The following RNF212 variants were observed in gnomAD, a reference collection of about 807,000 sequenced individuals.
RNF212 encodes ring finger protein 212.
RNF212 carries 33 observed loss-of-function variants against 34.7 expected under a neutral mutation model. That is an observed-to-expected ratio of 0.95 (90% CI 0.72 to 1.27). The LOEUF is 1.27. Among genes scored for constraint, RNF212 ranks in the 50% most tolerant of loss-of-function variants. The pLI is 0.00. For synonymous variants in RNF212, 140 were observed against 136.1 expected (o/e 1.03, Z -0.20); for missense variants, 377 against 362.2 (o/e 1.04, Z -0.33).
At chr4:1,090,512 C>A (rs926691541) in intron 4 of RNF212, among the ~76,000 whole-genome samples, 2 of 152,196 alleles carry the variant, frequency 1.3e-5, no homozygotes, top group African/African-American at 4.8e-5. Context: ...CCAGTGTTGC[C>A]CCAGGTGGCT....
intron 7 of RNF212, among the ~76,000 whole-genome samples, chr4:1,080,488 C>G (rs533013632): frequency 1.3e-5 from 2 of 152,148 alleles, no homozygotes; most frequent in Non-Finnish European, 2.9e-5. Context: ...GGAGGGTGGA[C>G]AAAACCCACT....
At chr4:1,080,364 C>T (rs972423202) in intron 7 of RNF212, among the ~76,000 whole-genome samples, 2 of 152,186 alleles carry the variant, frequency 1.3e-5, no homozygotes, top group East Asian at 3.9e-4. Flanking sequence ...GTTTAACTTT[C>T]TCATACCAGA....
rs1384168922 is a variant in RNF212, at chr4:1,108,404, C to T, written c.110G>A (p.Gly37Asp). The change falls in exon 2 of 10, where the codon GGT (glycine) becomes GAT (aspartate). Residue 37 changes from glycine (G) to aspartate (D), a missense_variant and splice_region_variant. Transcript: ENST00000433731. ...ACAAATCAAGCATTCATTCTTTTTA[C>T]CTATAAAATAAAAATAGGCTTTATT... ...HVYCDACLGK[G>D]KKNECLICKA... 7 of 1,479,928 alleles carry T rather than the reference C, an allele frequency of 4.7e-6. No individual in the cohort carries two copies. Among genetic ancestry groups the T allele is most frequent in the Non-Finnish European group, 5.4e-6 (6 of 1,116,040 alleles). 91.7% of individuals were successfully genotyped at this position (1,479,928 alleles called of 1,614,324 possible).
At position 1,081,464 on chromosome 4, in the gene RNF212, T is replaced by C; in HGVS notation, c.419A>G (p.Lys140Arg). 1 of 1,613,802 alleles carries C rather than the reference T, an allele frequency of 6.2e-7. No individual in the cohort carries two copies. The highest frequency in any genetic ancestry group is 8.5e-7 in the Non-Finnish European group (1 of 1,179,884). The change falls in exon 7 of 10, where the codon AAA becomes AGA. Residue 140 changes from lysine to arginine, a missense_variant. Transcript: ENST00000433731. Reference protein sequence around the residue: ...FSTIKSSVSTKPHGCLLPPHS... With the variant: ...FSTIKSSVSTRPHGCLLPPHS... ...AGGTGGCAGCAGGCATCCGTGTGGT[T>C]TTGCTGGAAGAGTGATGACGAAAAT... is the stretch of plus-strand genomic sequence containing the variant.
chr4:1,088,024 TAG>T (rs932909523), intron 4 of RNF212, among the ~76,000 whole-genome samples: 1 of 152,052 alleles, frequency 6.6e-6, no homozygotes, highest in Non-Finnish European at 1.5e-5. Context: ...TTGGTACCAG[TAG>T]AGTGGGGCAC....
At position 1,057,803 on chromosome 4, in the gene RNF212, G is replaced by A. The variant is rs867517821; in HGVS notation, n.220+518C>T. Reference sequence around the variant, plus strand: ...CTCCTGGCTGGGCATGGTGGCTCACGCCTGTAATCCCAGCACCTTGGGAGG... The same window carrying A: ...CTCCTGGCTGGGCATGGTGGCTCACACCTGTAATCCCAGCACCTTGGGAGG... On this transcript the variant is annotated intron_variant and non_coding_transcript_variant, in intron 4 of 4. Coordinates refer to the RNF212 transcript ENST00000503206. Among the ~76,000 whole-genome samples the A allele has an allele frequency of 1.4e-4, 22 of 152,326 alleles. No homozygotes were observed. The South Asian group carries it at 1.4e-3, about 10-fold the overall frequency.
At chr4:1,110,588 AT>A (rs1725504522) in intron 1 of RNF212, among the ~76,000 whole-genome samples, 1 of 152,228 alleles carries the variant, frequency 6.6e-6, no homozygotes, top group Non-Finnish European at 1.5e-5. Flanking sequence ...ATACAGACTT[AT>A]TTTAACACGG....
chr4:1,082,452 G>A (rs760651257), intron 5 of RNF212, among the ~76,000 whole-genome samples: 1 of 152,226 alleles, frequency 6.6e-6, no homozygotes, highest in Non-Finnish European at 1.5e-5. Context: ...TCCTGGCACC[G>A]AGTGCCCGTC....
intron 8 of RNF212, 91 bp from the exon 9 acceptor site, chr4:1,073,753 C>T: frequency 1.2e-6 from 1 of 842,510 alleles, no homozygotes; most frequent in Non-Finnish European, 2.0e-6. Context: ...ACACATTTCC[C>T]AGAACCCCAT....
intron 8 of RNF212, among the ~76,000 whole-genome samples, chr4:1,076,017 T>C (rs555608983): frequency 4.6e-5 from 7 of 152,366 alleles, no homozygotes; most frequent in Admixed American, 1.3e-4. Flanking sequence ...TTGTGAGTCA[T>C]GATTTTACCT....
At chr4:1,088,273 C>A (rs79404168) in intron 4 of RNF212, among the ~76,000 whole-genome samples, 1 of 152,184 alleles carries the variant, frequency 6.6e-6, no homozygotes, top group Non-Finnish European at 1.5e-5. Flanking sequence ...AAAGGTCACT[C>A]TTGCTGTGCT....
chr4:1,078,010 C>T (rs988868683), intron 8 of RNF212, among the ~76,000 whole-genome samples: 10 of 152,158 alleles, frequency 6.6e-5, no homozygotes, highest in African/African-American at 1.4e-4. Context: ...GACGGCTCTT[C>T]GTTCCCTACT....
intron 3 of RNF212, chr4:1,093,410 G>T: frequency 7.1e-7 from 1 of 1,414,232 alleles, no homozygotes; most frequent in South Asian, 1.6e-5. Context: ...GTTGATATTA[G>T]AGCATAAATG....
intron 3 of RNF212, among the ~76,000 whole-genome samples, chr4:1,062,019 G>T (rs1480963315): frequency 6.6e-6 from 1 of 152,134 alleles, no homozygotes; most frequent in African/African-American, 2.4e-5. Flanking sequence ...ATGAGCCAAA[G>T]AATTAAAGGA....
chr4:1,085,740 A>G lies in RNF212; in HGVS notation c.362+156T>C, dbSNP rs1046832242. On this transcript the variant is annotated intron_variant, in intron 5 of 9. Transcript: ENST00000433731. ...CCCTTCTTCCCTTCGGTTTTCCCAC[A>G]GCATTTTTGCTCTGATGAAAGTTTC... 7 of 647,858 alleles carry G rather than the reference A, an allele frequency of 1.1e-5. No homozygotes were observed. The African/African-American group carries it at 1.3e-4, about 12-fold the overall frequency. 40.1% of individuals were successfully genotyped at this position (647,858 alleles called of 1,614,324 possible).
rs779407923 is a variant in RNF212 at position 1,090,851 on chromosome 4, T to C, written c.247-13A>G. 35 of 1,566,972 alleles carry C rather than the reference T, an allele frequency of 2.2e-5. No homozygotes were observed. The highest frequency in any genetic ancestry group is 1.8e-4 in the African/African-American group (13 of 73,980). ...GAAATTCTAAAATCTGAAAAGATCA[T>C]AGGTTTCAGCTGCTGACACAGATCC... is the stretch of plus-strand genomic sequence containing the variant. On this transcript the variant is annotated splice_polypyrimidine_tract_variant and intron_variant, in intron 3 of 9. Transcript: ENST00000433731.
At chr4:1,059,384 T>C (rs6839931) in intron 3 of RNF212, among the ~76,000 whole-genome samples, 123,508 of 152,264 alleles carry the variant, frequency 0.81, 50,809 homozygotes, top group African/African-American at 0.94. Context: ...TTCACTTCTG[T>C]CTTGTATCAC....
chr4:1,108,419 T>A lies in RNF212; in HGVS notation c.110-15A>T, dbSNP rs1310227253. ...ATTCTTTTTACCTATAAAATAAAAA[T>A]AGGCTTTATTATATTAGACTGACTA... On this transcript the variant is annotated splice_polypyrimidine_tract_variant and intron_variant, in intron 1 of 9. Transcript: ENST00000433731. 5 of 1,378,106 alleles carry A rather than the reference T, an allele frequency of 3.6e-6. No homozygotes were observed. The South Asian group carries it at 5.8e-5, about 16-fold the overall frequency. 85.4% of individuals were successfully genotyped at this position (1,378,106 alleles called of 1,614,324 possible). A position where few individuals can be genotyped will look rare whatever the true frequency, so the allele number is the denominator to read the frequency against.
At chr4:1,080,189 G>A (rs1236682993) in intron 7 of RNF212, among the ~76,000 whole-genome samples, 1 of 152,174 alleles carries the variant, frequency 6.6e-6, no homozygotes, top group African/African-American at 2.4e-5. Context: ...ATTTTGCGTT[G>A]GCCCCCTCCT....
Sources: allele counts gnomAD v4.1 joint callset (sites outside exome capture counted in the v4.1 genomes callset), GRCh38; gene constraint gnomAD v4.1.1; transcripts MANE v1.5; gene names NCBI Gene and HGNC (gene_info 2026-07-23, HGNC 2026-07-21).